TNFSF4: variants seen among roughly 807,000 people sequenced by gnomAD.
TNFSF4 encodes tumor necrosis factor ligand superfamily member 4.
In TNFSF4, 4 loss-of-function variants were observed where a neutral mutation model predicts 7.3. The observed-to-expected ratio is 0.55, with a 90% CI of 0.27 to 1.25. The LOEUF (loss-of-function observed/expected upper bound fraction) is 1.25, where lower values mean the gene tolerates loss of function less well. Among genes scored for constraint, TNFSF4 ranks in the 50% most tolerant of loss-of-function variants. The pLI, the probability that TNFSF4 is intolerant of heterozygous loss-of-function variation, is 0.12. For synonymous variants in TNFSF4, 76 were observed against 83.7 expected (o/e 0.91, Z 0.50); for missense variants, 181 against 208.8 (o/e 0.87, Z 0.82).
At chr1:173,349,115 G>A in the TNFSF4 span, among the ~76,000 whole-genome samples, 1 of 151,918 alleles carries the variant, frequency 6.6e-6, no homozygotes, top group African/African-American at 2.4e-5. Context: ...TGCAAGCTCC[G>A]CCCCCCGGGT....
intron 2 of TNFSF4, among the ~76,000 whole-genome samples, chr1:173,187,328 T>C (rs1649273452): frequency 1.3e-5 from 2 of 152,224 alleles, no homozygotes. Context: ...GTGGATGAAC[T>C]ATGGGCAAAG....
chr1:173,187,151 T>C (rs1156293486), intron 2 of TNFSF4, among the ~76,000 whole-genome samples: 1 of 151,950 alleles, frequency 6.6e-6, no homozygotes, highest in East Asian at 1.9e-4. Context: ...GAAGAGGCAA[T>C]GTTAACACTA....
intron 1 of TNFSF4, chr1:173,205,287 A>C (rs879713622): frequency 2.5e-6 from 4 of 1,611,504 alleles, no homozygotes; most frequent in Non-Finnish European, 3.4e-6. Context: ...TATAGAAGCT[A>C]ATTCTCCCCT....
chr1:173,319,021 G>A, the TNFSF4 span, among the ~76,000 whole-genome samples: 1 of 152,202 alleles, frequency 6.6e-6, no homozygotes, highest in Non-Finnish European at 1.5e-5. Flanking sequence ...AAAGGCAGCT[G>A]AAGCCAGGGG....
the TNFSF4 span, among the ~76,000 whole-genome samples, chr1:173,443,085 T>G: frequency 6.6e-6 from 1 of 152,188 alleles, no homozygotes; most frequent in African/African-American, 2.4e-5. Flanking sequence ...GAGCAACATG[T>G]GGGCACTATT....
At chr1:173,310,521 T>G in the TNFSF4 span, among the ~76,000 whole-genome samples, 1 of 151,880 alleles carries the variant, frequency 6.6e-6, no homozygotes, top group South Asian at 2.1e-4. Flanking sequence ...ACCTTATTAT[T>G]TTAATCTTTA....
At chr1:173,432,795 T>C in the TNFSF4 span, among the ~76,000 whole-genome samples, 1 of 152,162 alleles carries the variant, frequency 6.6e-6, no homozygotes, top group African/African-American at 2.4e-5. Flanking sequence ...ACCTTGTTCA[T>C]GTAAAAACGA....
intron 1 of TNFSF4, among the ~76,000 whole-genome samples, chr1:173,195,327 G>A (rs906161761): frequency 6.6e-6 from 1 of 152,186 alleles, no homozygotes; most frequent in African/African-American, 2.4e-5. Flanking sequence ...AATGTTGCAG[G>A]GTTGCCTATG....
chr1:173,284,769 T>C, the TNFSF4 span, among the ~76,000 whole-genome samples: 2 of 152,184 alleles, frequency 1.3e-5, no homozygotes, highest in Non-Finnish European at 2.9e-5. Flanking sequence ...GTTTACTGAC[T>C]ATCTTTAAGT....
At chr1:173,234,747 G>A in the TNFSF4 span, among the ~76,000 whole-genome samples, 1 of 152,082 alleles carries the variant, frequency 6.6e-6, no homozygotes, top group Admixed American at 6.6e-5. Context: ...TGAACAATGA[G>A]AACACTTGGA....
the TNFSF4 span, among the ~76,000 whole-genome samples, chr1:173,422,424 A>G: frequency 6.6e-6 from 1 of 151,972 alleles, no homozygotes; most frequent in East Asian, 1.9e-4. Flanking sequence ...CCAGCCTTAA[A>G]GGGATGGAGA....
chr1:173,345,403 G>C, the TNFSF4 span, among the ~76,000 whole-genome samples: 1 of 152,180 alleles, frequency 6.6e-6, no homozygotes, highest in African/African-American at 2.4e-5. Flanking sequence ...CATTGCAACA[G>C]AGAAAGAGAG....
the TNFSF4 span, among the ~76,000 whole-genome samples, chr1:173,306,595 A>T: frequency 1.3e-5 from 2 of 151,864 alleles, no homozygotes; most frequent in Non-Finnish European, 2.9e-5. Flanking sequence ...ATCACTAGGA[A>T]CACTTCCTAC....
At chr1:173,352,739 G>C in the TNFSF4 span, among the ~76,000 whole-genome samples, 1 of 151,918 alleles carries the variant, frequency 6.6e-6, no homozygotes, top group South Asian at 2.1e-4. Flanking sequence ...GCAGAGAACT[G>C]GTCTGACTAG....
At chr1:173,439,763 G>T in the TNFSF4 span, among the ~76,000 whole-genome samples, 1 of 152,254 alleles carries the variant, frequency 6.6e-6, no homozygotes, top group South Asian at 2.1e-4. Context: ...AAGGCCGCAT[G>T]ATCCCTCCCC....
chr1:173,415,625 T>C, the TNFSF4 span, among the ~76,000 whole-genome samples: 1 of 152,238 alleles, frequency 6.6e-6, no homozygotes, highest in East Asian at 1.9e-4. Context: ...GCCCTGACTT[T>C]GGTGTTCTCA....
chr1:173,294,103 G>C, the TNFSF4 span, among the ~76,000 whole-genome samples: 2 of 151,988 alleles, frequency 1.3e-5, no homozygotes, highest in Admixed American at 1.3e-4. Flanking sequence ...CCCATTACTG[G>C]TATATACCCA....
chr1:173,301,950 T>C, the TNFSF4 span, among the ~76,000 whole-genome samples: 1 of 151,724 alleles, frequency 6.6e-6, no homozygotes. Flanking sequence ...AATTGAACAA[T>C]TCACTCGTTT....
In TNFSF4 at chr1:173,188,530, G is replaced by T. The variant is rs374158518; in HGVS notation, c.193C>A (p.Gln65Lys). 10 of 1,610,876 alleles carry T rather than the reference G, an allele frequency of 6.2e-6. No individual in the cohort carries two copies. The highest frequency in any genetic ancestry group is 6.8e-6 in the Non-Finnish European group (8 of 1,177,406). The change falls in exon 2 of 3, where the codon CAA (glutamine) becomes AAA (lysine). Residue 65 changes from glutamine to lysine, a missense_variant. Transcript: ENST00000281834. ...TTTTGACAATACTTACCGGTAAATT[G>T]TACTTTGATACTTTGAATTCGAGGA... ...RYPRIQSIKVQFTEYKKEKGF... is the reference protein window; with the variant it reads ...RYPRIQSIKVKFTEYKKEKGF...
Sources: allele counts gnomAD v4.1 joint callset (sites outside exome capture counted in the v4.1 genomes callset), GRCh38; gene constraint gnomAD v4.1.1; transcripts MANE v1.5; gene names NCBI Gene and HGNC (gene_info 2026-07-23, HGNC 2026-07-21).